Variants in PAG1 observed in about 807,000 individuals in gnomAD.
The protein encoded by PAG1 is phosphoprotein membrane anchor with glycosphingolipid microdomains 1, also known as phosphoprotein associated with glycosphingolipid-enriched microdomains 1.
A neutral mutation model predicts 31.7 loss-of-function variants in PAG1; 23 were observed. That is an observed-to-expected ratio of 0.73 (90% CI 0.52 to 1.03). PAG1 has a LOEUF of 1.03. PAG1 is among the 50% of genes least tolerant of loss of function. PAG1 has a pLI of 0.00. For missense variants in PAG1, 473 were observed against 540.7 expected, an observed-to-expected ratio of 0.87 and a Z score of 1.24; for synonymous variants, 214 against 210.3, an observed-to-expected ratio of 1.02 and a Z score of -0.15.
At chr8:80,977,386 C>T (rs1807207525) in intron 8 of PAG1, among the ~76,000 whole-genome samples, 1 of 152,206 alleles carries the variant, frequency 6.6e-6, no homozygotes, top group Non-Finnish European at 1.5e-5. Context: ...AGTTCTCAGG[C>T]CTCATCCCAG....
At chr8:81,002,413 C>T (rs1284750896) in intron 3 of PAG1, among the ~76,000 whole-genome samples, 4 of 152,226 alleles carry the variant, frequency 2.6e-5, no homozygotes, top group Non-Finnish European at 4.4e-5. Context: ...CAGACAGCTA[C>T]TACCTCACTG....
At chr8:80,987,548 C>T in intron 5 of PAG1, 82 bp from the exon 6 acceptor site, 1 of 959,622 alleles carries the variant, frequency 1.0e-6, no homozygotes, top group East Asian at 2.4e-5. Flanking sequence ...AGATCCATGG[C>T]TTTTTCAAAA....
At position 81,026,307 on chromosome 8, in the gene PAG1, C is replaced by T. The variant is rs75817633; in HGVS notation, c.-81+3689G>A. ...AGGTTTCAGTGAGCGCAGATAGCAC[C>T]GTTGTACTCTAGCCTGGGCAACAGA... On this transcript the variant is annotated intron_variant, in intron 3 of 8. Coordinates refer to ENST00000220597, the MANE Select transcript of PAG1 (RefSeq NM_018440.4). Among the ~76,000 whole-genome samples, 1,322 of 151,480 alleles carry T rather than the reference C, an allele frequency of 8.7e-3. 18 individuals carry two copies. The highest frequency in any genetic ancestry group is 0.031 in the African/African-American group (1,266 of 41,158).
intron 3 of PAG1, among the ~76,000 whole-genome samples, chr8:81,021,991 T>C (rs572047829): frequency 6.6e-6 from 1 of 152,336 alleles, no homozygotes; most frequent in Admixed American, 6.5e-5. Flanking sequence ...TTGCCAGTAT[T>C]TGTGTAAAAC....
In PAG1 at chr8:81,004,857, C is replaced by T. The variant is rs181189055; in HGVS notation, c.-80-11550G>A. ...CAAAGACAGCCTTTGCATGTTCACA[C>T]GGTGGAAAGGACTCCCTCCCACGCA... On this transcript the variant is annotated intron_variant, in intron 3 of 8. Transcript: ENST00000220597. 9.3e-4 allele frequency among the ~76,000 whole-genome samples: 141 copies of T among 152,252 alleles called. No individual in the cohort carries two copies. The East Asian group carries it at 0.014, about 15-fold the overall frequency.
intron 2 of PAG1, chr8:81,036,957 T>C (rs1324587855): frequency 6.6e-6 from 1 of 152,222 alleles, no homozygotes; most frequent in Admixed American, 6.5e-5. Context: ...GGGTTTTATT[T>C]TTTTTTCGTT....
At chr8:81,018,898 G>A (rs577029151) in intron 3 of PAG1, among the ~76,000 whole-genome samples, 1 of 152,320 alleles carries the variant, frequency 6.6e-6, no homozygotes, top group Admixed American at 6.5e-5. Flanking sequence ...GCAGAGGTCG[G>A]AATAGTTTGG....
rs569399786 is a variant in PAG1, at chr8:81,078,638, A to C, written c.-233-8468T>G. ...CCTTATTTTCCCTAAATTTCTTCTT[A>C]GTCTCCTGACTCCATACACTAAGGG... is the stretch of plus-strand genomic sequence containing the variant. On this transcript the variant is annotated intron_variant, in intron 1 of 8. Transcript: ENST00000220597. Among the ~76,000 whole-genome samples the C allele has an allele frequency of 2.0e-5, 3 of 152,278 alleles. No homozygotes were observed. The South Asian group carries it at 6.2e-4, about 32-fold the overall frequency.
At chr8:81,025,906 G>A (rs150100440) in intron 3 of PAG1, among the ~76,000 whole-genome samples, 5 of 152,280 alleles carry the variant, frequency 3.3e-5, no homozygotes, top group African/African-American at 1.2e-4. Flanking sequence ...TGTGGGGGCA[G>A]TGTGTGTGTT....
chr8:81,106,421 T>A (rs539898872), intron 1 of PAG1, among the ~76,000 whole-genome samples: 1 of 152,236 alleles, frequency 6.6e-6, no homozygotes, highest in East Asian at 1.9e-4. Flanking sequence ...TTCACAGGAT[T>A]TCAGGAGCTC....
At chr8:80,979,686 C>T in intron 8 of PAG1, among the ~76,000 whole-genome samples, 1 of 152,142 alleles carries the variant, frequency 6.6e-6, no homozygotes, top group Non-Finnish European at 1.5e-5. Context: ...TGCTCTTGTA[C>T]ATGTACACAA....
chr8:81,108,223 AG>A (rs1440193973), intron 1 of PAG1, among the ~76,000 whole-genome samples: 2 of 152,234 alleles, frequency 1.3e-5, no homozygotes, highest in African/African-American at 4.8e-5. Context: ...AACCCAGAGC[AG>A]GGGAACACTT....
intron 1 of PAG1, among the ~76,000 whole-genome samples, chr8:81,095,780 C>T (rs1390500450): frequency 6.6e-6 from 1 of 152,164 alleles, no homozygotes; most frequent in Non-Finnish European, 1.5e-5. Context: ...AATTATTGGC[C>T]TGCACCACTG....
chr8:81,046,088 T>C (rs1415657237), intron 2 of PAG1, among the ~76,000 whole-genome samples: 2 of 152,208 alleles, frequency 1.3e-5, no homozygotes, highest in East Asian at 1.9e-4. Flanking sequence ...AACTAAGACA[T>C]TCATTTGGTT....
intron 3 of PAG1, among the ~76,000 whole-genome samples, chr8:80,994,417 C>T (rs1807629484): frequency 6.6e-6 from 1 of 152,196 alleles, no homozygotes; most frequent in South Asian, 2.1e-4. Context: ...ATTTCCGTAC[C>T]TGGTATGTAC....
At chr8:80,977,134 A>G (rs969672326) in intron 8 of PAG1, among the ~76,000 whole-genome samples, 1 of 152,172 alleles carries the variant, frequency 6.6e-6, no homozygotes, top group Non-Finnish European at 1.5e-5. Flanking sequence ...TTCCGTGAAA[A>G]CCCAGTTCTC....
intron 1 of PAG1, among the ~76,000 whole-genome samples, chr8:81,104,486 T>C (rs1353479936): frequency 1.3e-5 from 2 of 152,004 alleles, no homozygotes; most frequent in Non-Finnish European, 2.9e-5. Flanking sequence ...CATTTCCAGT[T>C]CGGCCTCCGT....
intron 3 of PAG1, among the ~76,000 whole-genome samples, chr8:81,003,152 A>G (rs575377116): frequency 1.3e-5 from 2 of 152,312 alleles, no homozygotes; most frequent in African/African-American, 4.8e-5. Context: ...CAACCTCTGT[A>G]TTAACAAGCC....
At chr8:81,025,400 G>A (rs751187724) in intron 3 of PAG1, among the ~76,000 whole-genome samples, 4 of 152,170 alleles carry the variant, frequency 2.6e-5, no homozygotes, top group Admixed American at 6.5e-5. Context: ...GCGCCCAAAT[G>A]AGAGAGAGCT....
Sources: allele counts gnomAD v4.1 joint callset (sites outside exome capture counted in the v4.1 genomes callset), GRCh38; gene constraint gnomAD v4.1.1; transcripts MANE v1.5; gene names NCBI Gene and HGNC (gene_info 2026-07-23, HGNC 2026-07-21).